Variants in ADARB2 observed in about 807,000 individuals in gnomAD.
ADARB2 encodes inactive double-stranded RNA-specific editase B2.
In ADARB2, 25 loss-of-function variants were observed where a neutral mutation model predicts 62.2. That is an observed-to-expected ratio of 0.40 (90% CI 0.29 to 0.56). The LOEUF (loss-of-function observed/expected upper bound fraction) is 0.56, where lower values mean the gene tolerates loss of function less well. ADARB2 is among the 20% of genes least tolerant of loss of function. ADARB2 has a pLI of 0.43. For missense variants in ADARB2, 1,071 were observed against 1,077.4 expected, an observed-to-expected ratio of 0.99 and a Z score of 0.08; for synonymous variants, 572 against 500.8, an observed-to-expected ratio of 1.14 and a Z score of -1.90.
chr10:1,683,010 G>A (rs1035864952), intron 1 of ADARB2, among the ~76,000 whole-genome samples: 4 of 152,212 alleles, frequency 2.6e-5, no homozygotes, highest in African/African-American at 7.2e-5. Flanking sequence ...GTTATCGAAC[G>A]TTGTCATTCA....
intron 1 of ADARB2, among the ~76,000 whole-genome samples, chr10:1,668,346 C>T (rs769008740): frequency 6.6e-6 from 1 of 152,216 alleles, no homozygotes; most frequent in South Asian, 2.1e-4. Flanking sequence ...GCACAAAGGA[C>T]ATTGGAACAG....
intron 1 of ADARB2, among the ~76,000 whole-genome samples, chr10:1,381,772 C>T (rs571052034): frequency 2.2e-4 from 33 of 152,276 alleles, no homozygotes; most frequent in African/African-American, 7.5e-4. Flanking sequence ...CTCACTCACA[C>T]GTGGAATCTA....
chr10:1,572,369 G>T (rs765335304), intron 1 of ADARB2, among the ~76,000 whole-genome samples: 1 of 152,162 alleles, frequency 6.6e-6, no homozygotes, highest in Non-Finnish European at 1.5e-5. Context: ...AGCCAGGCAG[G>T]CATCAGGCAG....
chr10:1,451,423 G>C (rs1324725433), intron 1 of ADARB2, among the ~76,000 whole-genome samples: 1 of 152,244 alleles, frequency 6.6e-6, no homozygotes, highest in East Asian at 1.9e-4. Flanking sequence ...GAGGCTCAGA[G>C]TCTGAGGCAA....
chr10:1,690,280 T>C (rs971296912), intron 1 of ADARB2, among the ~76,000 whole-genome samples: 5 of 152,352 alleles, frequency 3.3e-5, no homozygotes, highest in African/African-American at 1.2e-4. Context: ...AAGTATTGTT[T>C]TGATACCTAA....
chr10:1,232,177 G>A (rs529172155), intron 6 of ADARB2, among the ~76,000 whole-genome samples: 6 of 139,592 alleles, frequency 4.3e-5, no homozygotes, highest in Non-Finnish European at 7.4e-5. Flanking sequence ...CACACACACC[G>A]CACACACACC....
chr10:1,645,690 C>A (rs1834031696), intron 1 of ADARB2, among the ~76,000 whole-genome samples: 3 of 151,634 alleles, frequency 2.0e-5, no homozygotes, highest in Admixed American at 6.6e-5. Context: ...CCATCCCTGG[C>A]ACTTGACTGC....
intron 1 of ADARB2, among the ~76,000 whole-genome samples, chr10:1,597,276 T>C (rs1363099713): frequency 2.0e-5 from 3 of 152,168 alleles, no homozygotes; most frequent in Non-Finnish European, 2.9e-5. Context: ...AGCAGATATT[T>C]AGGTGACTAT....
intron 4 of ADARB2, among the ~76,000 whole-genome samples, chr10:1,262,242 T>C (rs1293751520): frequency 1.4e-5 from 2 of 146,958 alleles, no homozygotes; most frequent in African/African-American, 2.6e-5. Context: ...TGTATGCATA[T>C]GTAACTAACC....
intron 4 of ADARB2, among the ~76,000 whole-genome samples, chr10:1,269,374 T>A (rs775121299): frequency 8.5e-5 from 13 of 152,232 alleles, no homozygotes; most frequent in Non-Finnish European, 1.6e-4. Flanking sequence ...CTTGTTCTGC[T>A]GATTCCCCAG....
At chr10:1,511,129 C>T (rs1470819614) in intron 1 of ADARB2, among the ~76,000 whole-genome samples, 2 of 152,118 alleles carry the variant, frequency 1.3e-5, no homozygotes, top group Non-Finnish European at 2.9e-5. Context: ...CAGATGTGGC[C>T]ACCGGGCCTG....
At chr10:1,216,046 A>G (rs922656619) in intron 7 of ADARB2, 1 of 147,240 alleles carries the variant, frequency 6.8e-6, no homozygotes, top group Non-Finnish European at 1.5e-5. Flanking sequence ...GGTGTCACCA[A>G]CGTGGGGGTG....
At chr10:1,487,492 C>T (rs769464420) in intron 1 of ADARB2, among the ~76,000 whole-genome samples, 4 of 152,148 alleles carry the variant, frequency 2.6e-5, no homozygotes, top group Non-Finnish European at 4.4e-5. Context: ...CTCACCCATG[C>T]CCTGCCCTGA....
In ADARB2 at chr10:1,388,764, G is replaced by A. The variant is rs572496969; in HGVS notation, c.101-9604C>T. Among the ~76,000 whole-genome samples, 9 of 152,134 alleles carry A rather than the reference G, an allele frequency of 5.9e-5. No homozygotes were observed. In the South Asian group the frequency reaches 1.9e-3, roughly 32 times the overall value. ...GTATGCCATTTTCATAGAATCTAAG[G>A]TTCCATATTGTTACAATATCAACTG... is the stretch of plus-strand genomic sequence containing the variant. On this transcript the variant is annotated intron_variant, in intron 1 of 9. Transcript: ENST00000381312.
chr10:1,563,890 T>C (rs540219661), intron 1 of ADARB2, among the ~76,000 whole-genome samples: 87 of 149,102 alleles, frequency 5.8e-4, no homozygotes, highest in Admixed American at 1.7e-3. Flanking sequence ...GTTTGGTTTT[T>C]TGTTCTTGCG....
chr10:1,616,311 G>GA (rs1359759063), intron 1 of ADARB2, among the ~76,000 whole-genome samples: 2 of 151,992 alleles, frequency 1.3e-5, no homozygotes, highest in African/African-American at 2.4e-5. Flanking sequence ...GTTTCATCGA[G>GA]AAAAAAAAGA....
At chr10:1,610,871 TACAA>T (rs1564346307) in intron 1 of ADARB2, among the ~76,000 whole-genome samples, 1 of 151,334 alleles carries the variant, frequency 6.6e-6, no homozygotes, top group East Asian at 1.9e-4. Flanking sequence ...TACATACACA[TACAA>T]ACACACATAG....
intron 1 of ADARB2, among the ~76,000 whole-genome samples, chr10:1,392,920 G>T (rs935026614): frequency 1.3e-5 from 2 of 152,226 alleles, no homozygotes; most frequent in African/African-American, 4.8e-5. Context: ...ACCGTATTTG[G>T]AGAGAGTTTC....
intron 7 of ADARB2, among the ~76,000 whole-genome samples, chr10:1,209,581 T>TGACCACGC (rs1837121034): frequency 8.8e-5 from 8 of 91,032 alleles, no homozygotes; most frequent in Middle Eastern, 9.3e-3. Context: ...TCACCCACAC[T>TGACCACGC]CTCACCATCA....
Sources: gnomAD v4.1 joint callset for allele counts (sites outside exome capture counted in the v4.1 genomes callset) on GRCh38, gnomAD v4.1.1 for gene constraint, MANE v1.5 for transcripts, NCBI Gene and HGNC (gene_info 2026-07-23, HGNC 2026-07-21) for gene names.